The following WFS1 variants were observed in gnomAD, a reference collection of about 807,000 sequenced individuals.
The protein encoded by WFS1 is wolframin ER transmembrane glycoprotein, also known as wolframin.
Under a neutral mutation model 68.5 loss-of-function variants are expected in WFS1, and 90 were observed. The ratio of observed to expected loss-of-function variants is 1.31; its 90% CI spans 1.11 to 1.56. The LOEUF is 1.56. WFS1 is among the 40% of genes most tolerant of loss of function. The probability of loss-of-function intolerance (pLI) is 0.00; values close to 1 mark genes in which losing one functional copy is unlikely to be tolerated. For synonymous variants in WFS1, 860 were observed against 540.7 expected (o/e 1.59, Z -8.19); for missense variants, 1,767 against 1,232.6 (o/e 1.43, Z -6.49).
intron 6 of WFS1, among the ~76,000 whole-genome samples, chr4:6,294,321 G>A (rs1346881780): frequency 2.6e-5 from 4 of 152,190 alleles, no homozygotes; most frequent in East Asian, 3.9e-4. Flanking sequence ...TAGCTCTCGC[G>A]GATCACGTTG....
At chr4:6,299,523 ATGTGTATAGGGGTGGGTTGTGTGAATG>A (rs1730770672) in intron 7 of WFS1, among the ~76,000 whole-genome samples, 3 of 101,158 alleles carry the variant, frequency 3.0e-5, no homozygotes, top group African/African-American at 1.2e-4. Flanking sequence ...GTGTGTGTGA[ATGTGTATAGGGGTGGGTTGTGTGAATG>A]TGTGTGTAGG....
intron 3 of WFS1, chr4:6,288,377 A>C (rs2109114720): frequency 6.3e-6 from 1 of 157,958 alleles, no homozygotes; most frequent in East Asian, 1.9e-4. Context: ...CATCTGTAGA[A>C]TGAGAAGACT....
At chr4:6,280,907 A>AGGG in intron 2 of WFS1, among the ~76,000 whole-genome samples, 1 of 152,302 alleles carries the variant, frequency 6.6e-6, no homozygotes, top group South Asian at 2.1e-4. Flanking sequence ...TCCGTCTCCG[A>AGGG]GCAGCAGCAC....
Position 6,301,811 on chromosome 4 carries a change from G to A in WFS1, c.2016G>A (p.Leu672=). 1 of 1,613,260 alleles carries A rather than the reference G, an allele frequency of 6.2e-7. No homozygotes were observed. The highest frequency in any genetic ancestry group is 8.5e-7 in the Non-Finnish European group (1 of 1,180,030). The change falls in exon 8 of 8, where the codon CTG becomes CTA. Residue 672 remains leucine (L), a synonymous_variant. Transcript: ENST00000226760. ...STLTWQQYGA[L]CGPRAWKETN... ...TGACCTGGCAGCAGTATGGTGCGCT[G>A]TGCGGGCCACGCGCCTGGAAGGAGA...
chr4:6,291,537 GAACCT>G (rs1447455459), intron 5 of WFS1, among the ~76,000 whole-genome samples, 170 bp downstream of exon 5: 2 of 152,190 alleles, frequency 1.3e-5, no homozygotes, highest in Non-Finnish European at 2.9e-5. Context: ...CAGGGGACCA[GAACCT>G]TCCTGTAGAG....
chr4:6,292,082 T>G (rs1730482156), intron 6 of WFS1, 85 bp downstream of exon 6: 2 of 1,385,128 alleles, frequency 1.4e-6, no homozygotes, highest in Admixed American at 4.0e-5. Context: ...GACTCCATCC[T>G]GGCCTGCCCT....
rs1730940086 is a variant in WFS1 at position 6,301,883 on chromosome 4, C to T, written c.2088C>T (p.His696=). 6.2e-7 allele frequency: 1 copy of T among 1,612,922 alleles called. No individual in the cohort carries two copies. The highest frequency in any genetic ancestry group is 8.5e-7 in the Non-Finnish European group (1 of 1,179,836). Residue 696 remains histidine (H), a synonymous_variant, in exon 8 of 8, where the codon CAC becomes CAT. Coordinates refer to ENST00000226760, the MANE Select transcript of WFS1 (RefSeq NM_006005.3). ...TQILCSHLEG[H]RVTWTGRFKY... ...TCCTCTGCAGCCACCTGGAGGGCCACAGGGTCACGTGGACCGGCCGCTTCA... is the reference window on the plus strand; with the variant it reads ...TCCTCTGCAGCCACCTGGAGGGCCATAGGGTCACGTGGACCGGCCGCTTCA...
In WFS1 at chr4:6,302,175, G is replaced by A. The variant is rs201078003; in HGVS notation, c.2380G>A (p.Glu794Lys). The change falls in exon 8 of 8, where the codon GAG becomes AAG. Residue 794 changes from glutamate to lysine, a missense_variant. Physicochemically the swap from Glu to Lys is moderately conservative, Grantham distance 56. Transcript: ENST00000226760. ...CGGCGCTGACGGCTCGCGCAGCCGC[G>A]AGGAGGACGACGTCACCAAGGACAT... ...SSGADGSRSREEDDVTKDIVL... is the reference protein window; with the variant it reads ...SSGADGSRSRKEDDVTKDIVL... 269 of 1,612,570 alleles carry A rather than the reference G, an allele frequency of 1.7e-4. No individual in the cohort carries two copies. The South Asian group carries it at 2.6e-3, about 16-fold the overall frequency.
At position 6,271,837 on chromosome 4, in the gene WFS1, C is replaced by T. The variant is rs919872663; in HGVS notation, c.-6+1823C>T. 1.1e-3 allele frequency among the ~76,000 whole-genome samples: 165 copies of T among 152,306 alleles called. 2 individuals are homozygous for T. Among genetic ancestry groups the T allele is most frequent in the South Asian group, 2.1e-3 (10 of 4,818 alleles). Reference sequence around the variant, plus strand: ...GGGCTATCGGGTCAGGTCCGCCTCCCGAGCCAGGAGCCGGCATTCTTTCGG... The same window carrying T: ...GGGCTATCGGGTCAGGTCCGCCTCCTGAGCCAGGAGCCGGCATTCTTTCGG... On this transcript the variant is annotated intron_variant, in intron 1 of 7. Coordinates refer to ENST00000226760, the MANE Select transcript of WFS1 (RefSeq NM_006005.3).
intron 6 of WFS1, among the ~76,000 whole-genome samples, chr4:6,292,262 A>G (rs193127193): frequency 4.1e-4 from 62 of 152,304 alleles, no homozygotes; most frequent in African/African-American, 1.4e-3. Flanking sequence ...AGGCAGACCC[A>G]GGACAGAAAC....
intron 3 of WFS1, 194 bp from the exon 4 acceptor site, chr4:6,288,793 G>T: frequency 2.6e-6 from 2 of 765,232 alleles, no homozygotes; most frequent in Non-Finnish European, 4.4e-6. Flanking sequence ...CTTCCTCACC[G>T]TGTTTTGAGG....
Position 6,300,791 on chromosome 4 carries a change from C to G in WFS1, c.996C>G (p.Ile332Met). 6.2e-7 allele frequency: 1 copy of G among 1,613,916 alleles called. No homozygotes were observed. Among genetic ancestry groups the G allele is most frequent in the Non-Finnish European group, 8.5e-7 (1 of 1,179,864 alleles). Residue 332 changes from isoleucine (I) to methionine (M), a missense_variant, in exon 8 of 8, where the codon ATC becomes ATG. Ile to Met is a conservative substitution (Grantham distance 10, BLOSUM62 1). Coordinates refer to ENST00000226760, the MANE Select transcript of WFS1 (RefSeq NM_006005.3). ...TCAACGCGCTCATCTTCTTCTTCAT[C>G]GTCAGCAACCTCACCATCGACTTCT... ...HHINALIFFFIVSNLTIDFFA... is the reference protein window; with the variant it reads ...HHINALIFFFMVSNLTIDFFA...
At chr4:6,299,653 A>G (rs1208298957) in intron 7 of WFS1, among the ~76,000 whole-genome samples, 5 of 41,142 alleles carry the variant, frequency 1.2e-4, no homozygotes, top group Non-Finnish European at 1.7e-4. Flanking sequence ...GTGTGTGTGA[A>G]TGTGTGTGTA....
Position 6,300,785 on chromosome 4 carries a change from C to G in WFS1, c.990C>G (p.Phe330Leu). The change falls in exon 8 of 8, where the codon TTC (phenylalanine) becomes TTG (leucine). Residue 330 changes from phenylalanine to leucine, a missense_variant. Coordinates refer to ENST00000226760, the MANE Select transcript of WFS1 (RefSeq NM_006005.3). ...PTHHINALIF[F>L]FIVSNLTIDF... ...ACCACATCAACGCGCTCATCTTCTTCTTCATCGTCAGCAACCTCACCATCG... is the reference window on the plus strand; with the variant it reads ...ACCACATCAACGCGCTCATCTTCTTGTTCATCGTCAGCAACCTCACCATCG... 6.2e-7 allele frequency: 1 copy of G among 1,614,030 alleles called. No homozygotes were observed. The highest frequency in any genetic ancestry group is 8.5e-7 in the Non-Finnish European group (1 of 1,179,952).
intron 7 of WFS1, among the ~76,000 whole-genome samples, chr4:6,298,235 G>A (rs148748984): frequency 4.6e-5 from 7 of 152,352 alleles, no homozygotes; most frequent in African/African-American, 1.7e-4. Context: ...ATGTTGACTC[G>A]TGTAGCTGTT....
At chr4:6,292,945 C>A (rs944586912) in intron 6 of WFS1, among the ~76,000 whole-genome samples, 25 of 152,340 alleles carry the variant, frequency 1.6e-4, no homozygotes, top group Non-Finnish European at 1.8e-4. Context: ...TGGTCAGAGC[C>A]CTCGCCTCTG....
At chr4:6,294,981 G>T in intron 6 of WFS1, 60 bp from the exon 7 acceptor site, 1 of 1,611,962 alleles carries the variant, frequency 6.2e-7, no homozygotes, top group African/African-American at 1.3e-5. Flanking sequence ...ATTGCTCTGT[G>T]TGAGGGTGGC....
chr4:6,302,440 TTTTC>T lies in WFS1; in HGVS notation c.2648_2651del (p.Phe883SerfsTer68), dbSNP rs797045076. The stretch of plus-strand genomic sequence containing the variant: ...GCCGTGAAGTTCGCCTTCGACTTCT[TTTTC>T]TTCCCATTCCTGTCGGCGGCCTGAG... On this transcript the variant is annotated frameshift_variant, in exon 8 of 8. Transcript: ENST00000226760. LOFTEE classifies it high-confidence loss of function. 347 of 1,613,074 alleles carry T rather than the reference TTTTC, an allele frequency of 2.2e-4. No homozygotes were observed. Among genetic ancestry groups the T allele is most frequent in the Non-Finnish European group, 2.8e-4 (334 of 1,180,040 alleles).
At chr4:6,282,050 C>A (rs1032491931) in intron 2 of WFS1, among the ~76,000 whole-genome samples, 1 of 152,192 alleles carries the variant, frequency 6.6e-6, no homozygotes, top group Non-Finnish European at 1.5e-5. Context: ...CAGGGCAGGC[C>A]GTGGTGAGCT....
Sources: allele counts gnomAD v4.1 joint callset (sites outside exome capture counted in the v4.1 genomes callset), GRCh38; gene constraint gnomAD v4.1.1; transcripts MANE v1.5; gene names NCBI Gene and HGNC (gene_info 2026-07-23, HGNC 2026-07-21).